SHISA9: variants seen among roughly 807,000 people sequenced by gnomAD.
The protein encoded by SHISA9 is shisa family member 9.
A neutral mutation model predicts 38.0 loss-of-function variants in SHISA9; 13 were observed. That is an observed-to-expected ratio of 0.34 (90% CI 0.22 to 0.54). SHISA9 has a LOEUF of 0.54. SHISA9 is among the 20% of genes least tolerant of loss of function. The probability of loss-of-function intolerance (pLI) is 0.91; values close to 1 mark genes in which losing one functional copy is unlikely to be tolerated. For missense variants in SHISA9, 538 were observed against 575.8 expected (o/e 0.93, Z 0.67); for synonymous variants, 275 against 242.0 (o/e 1.14, Z -1.27).
At chr16:13,415,627 A>G in the SHISA9 span, among the ~76,000 whole-genome samples, 1 of 152,308 alleles carries the variant, frequency 6.6e-6, no homozygotes, top group East Asian at 1.9e-4. Context: ...TCACATGACA[A>G]AAAGGAATGA....
intron 3 of SHISA9, chr16:13,204,659 G>A (rs1233834661): frequency 6.6e-6 from 1 of 152,236 alleles, no homozygotes; most frequent in Non-Finnish European, 1.5e-5. Flanking sequence ...TGGGCAGCCT[G>A]GGGCTGCTAC....
intron 2 of SHISA9, among the ~76,000 whole-genome samples, chr16:12,987,742 A>G (rs1298986070): frequency 6.6e-6 from 1 of 152,216 alleles, no homozygotes. Context: ...CAGAACTTAA[A>G]TAAACAAGAA....
At chr16:13,109,160 G>A (rs751139235) in intron 2 of SHISA9, among the ~76,000 whole-genome samples, 12 of 152,128 alleles carry the variant, frequency 7.9e-5, no homozygotes, top group East Asian at 1.9e-4. Context: ...CTGAGTAGCC[G>A]AGACTACAGA....
chr16:13,167,072 C>CTTTTTTTTTTTTT (rs11372669), intron 2 of SHISA9, among the ~76,000 whole-genome samples: 3 of 124,430 alleles, frequency 2.4e-5, no homozygotes, highest in Non-Finnish European at 5.0e-5. Flanking sequence ...TCTCTTTTTT[C>CTTTTTTTTTTTTT]TTTTTTTTTT....
chr16:13,413,280 A>T, the SHISA9 span, among the ~76,000 whole-genome samples: 55 of 152,212 alleles, frequency 3.6e-4, no homozygotes, highest in Non-Finnish European at 6.3e-4. Context: ...CACTAAATTT[A>T]ACCTTCTGTA....
chr16:13,298,066 C>G, the SHISA9 span, among the ~76,000 whole-genome samples: 2 of 152,146 alleles, frequency 1.3e-5, no homozygotes, highest in Non-Finnish European at 2.9e-5. Context: ...GCTATCAGTG[C>G]TTTCTGAAAC....
the SHISA9 span, among the ~76,000 whole-genome samples, chr16:13,315,945 A>G: frequency 3.0e-4 from 45 of 152,128 alleles, no homozygotes; most frequent in Non-Finnish European, 5.6e-4. Context: ...GCCCAGATGA[A>G]CTGTTGCTCA....
At chr16:13,488,431 T>A in the SHISA9 span, among the ~76,000 whole-genome samples, 116 of 152,342 alleles carry the variant, frequency 7.6e-4, 1 homozygote, top group Middle Eastern at 0.024. Context: ...TTCTCATGAC[T>A]AATAGCTGAT....
chr16:12,996,610 T>C (rs1236882799), intron 2 of SHISA9, among the ~76,000 whole-genome samples: 1 of 152,150 alleles, frequency 6.6e-6, no homozygotes, highest in Non-Finnish European at 1.5e-5. Flanking sequence ...GCAACCGAAC[T>C]CAGGAGTCTT....
chr16:12,972,892 G>A (rs2141813620), intron 2 of SHISA9, among the ~76,000 whole-genome samples: 1 of 152,158 alleles, frequency 6.6e-6, no homozygotes, highest in South Asian at 2.1e-4. Context: ...GAGGTGGGAG[G>A]ATCACTTGAG....
At chr16:12,939,194 C>T (rs910873554) in intron 2 of SHISA9, among the ~76,000 whole-genome samples, 8 of 152,092 alleles carry the variant, frequency 5.3e-5, no homozygotes, top group Non-Finnish European at 1.2e-4. Flanking sequence ...AGCGATTCTC[C>T]TGCCTTAGCC....
chr16:13,431,697 T>A, the SHISA9 span, among the ~76,000 whole-genome samples: 1 of 152,218 alleles, frequency 6.6e-6, no homozygotes, highest in South Asian at 2.1e-4. Flanking sequence ...CTCCCTGCCT[T>A]CTCATAGTGA....
At chr16:13,298,729 C>G in the SHISA9 span, among the ~76,000 whole-genome samples, 1 of 152,164 alleles carries the variant, frequency 6.6e-6, no homozygotes, top group Admixed American at 6.5e-5. Context: ...TCTGGCGAAA[C>G]CCTGAAATGC....
chr16:13,135,759 A>T (rs2050343391), intron 2 of SHISA9, among the ~76,000 whole-genome samples: 1 of 152,244 alleles, frequency 6.6e-6, no homozygotes, highest in African/African-American at 2.4e-5. Flanking sequence ...GCCAACAGCA[A>T]GATAGATGCA....
the SHISA9 span, among the ~76,000 whole-genome samples, chr16:13,355,609 C>G: frequency 6.6e-6 from 1 of 152,010 alleles, no homozygotes; most frequent in Non-Finnish European, 1.5e-5. Flanking sequence ...AAGTTGGCAC[C>G]AGAGTTGGGG....
intron 2 of SHISA9, among the ~76,000 whole-genome samples, chr16:12,955,640 A>G (rs1300781884): frequency 2.0e-5 from 3 of 152,042 alleles, no homozygotes; most frequent in African/African-American, 4.8e-5. Context: ...AAGTAAAAAA[A>G]AAAAAAACAA....
the SHISA9 span, among the ~76,000 whole-genome samples, chr16:13,342,834 G>A: frequency 5.0e-3 from 765 of 151,936 alleles, 4 homozygotes; most frequent in Admixed American, 8.1e-3. Flanking sequence ...TACTTTCCTG[G>A]CAACACCCAG....
rs192804319 is a variant in SHISA9 at position 13,188,821 on chromosome 16, A to G, written c.692-14573A>G. On this transcript the variant is annotated intron_variant, in intron 2 of 4. Transcript: ENST00000558583. ...AAAGGAAAAGGAATGTTACAATATA[A>G]TATTATATTGAAGTCCTATCACCCA... Among the ~76,000 whole-genome samples the G allele has an allele frequency of 1.8e-4, 27 of 152,150 alleles. 2 individuals are homozygous for G. The highest frequency in any genetic ancestry group is 5.8e-4 in the African/African-American group (24 of 41,494).
Position 12,948,554 on chromosome 16 carries a change from A to G in SHISA9, c.691+31739A>G, listed in dbSNP as rs576622800. Among the ~76,000 whole-genome samples the G allele has an allele frequency of 1.3e-4, 20 of 152,344 alleles. No homozygotes were observed. In the South Asian group the frequency reaches 3.9e-3, roughly 30 times the overall value. ...GAGTTTGGAGACTGGGAAGTCCAAG[A>G]TCAAGGTGCTGGCAGATTCAGTGTC... On this transcript the variant is annotated intron_variant, in intron 2 of 4. Transcript: ENST00000558583.
Sources: gnomAD v4.1 joint callset for allele counts (sites outside exome capture counted in the v4.1 genomes callset) on GRCh38, gnomAD v4.1.1 for gene constraint, MANE v1.5 for transcripts, NCBI Gene and HGNC (gene_info 2026-07-23, HGNC 2026-07-21) for gene names.